PTPRM: variants seen among roughly 807,000 people sequenced by gnomAD.
The protein encoded by PTPRM is protein tyrosine phosphatase receptor type M.
In PTPRM, 47 loss-of-function variants were observed where a neutral mutation model predicts 186.7. The observed-to-expected ratio is 0.25, with a 90% CI of 0.20 to 0.32. The LOEUF is 0.32. Ranked by LOEUF, PTPRM falls within the 10% of genes least tolerant of loss-of-function variation. The pLI is 1.00. For synonymous variants in PTPRM, 668 were observed against 674.9 expected, an observed-to-expected ratio of 0.99 and a Z score of 0.16; for missense variants, 1,494 against 1,865.0, an observed-to-expected ratio of 0.80 and a Z score of 3.66.
At chr18:7,598,624 A>G (rs1328111597) in intron 1 of PTPRM, among the ~76,000 whole-genome samples, 1 of 152,184 alleles carries the variant, frequency 6.6e-6, no homozygotes, top group East Asian at 1.9e-4. Context: ...TGCTGTATTA[A>G]TAGTATTGTT....
intron 5 of PTPRM, among the ~76,000 whole-genome samples, chr18:7,941,095 C>T (rs2052143586): frequency 6.6e-6 from 1 of 152,178 alleles, no homozygotes; most frequent in Admixed American, 6.5e-5. Context: ...CGTGCCTGTC[C>T]TTTTCATGCT....
At chr18:7,751,300 CT>C (rs1181565738) in intron 1 of PTPRM, 9 of 152,324 alleles carry the variant, frequency 5.9e-5, no homozygotes, top group Non-Finnish European at 1.3e-4. Flanking sequence ...GGACCCTCCC[CT>C]GACTCACTGT....
rs564492223 is a variant in PTPRM at position 8,277,253 on chromosome 18, G to A, written c.2755-19115G>A. Among the ~76,000 whole-genome samples the A allele has an allele frequency of 2.6e-5, 4 of 152,248 alleles. No individual in the cohort carries two copies. The South Asian group carries it at 8.3e-4, about 32-fold the overall frequency. ...TTTATTTTTTCCCAATATAGAAACA[G>A]TAGAAATGTTGGAAATTGAGGTTAT... On this transcript the variant is annotated intron_variant, in intron 19 of 32. Coordinates refer to ENST00000580170, the MANE Select transcript of PTPRM (RefSeq NM_001105244.2).
chr18:8,266,114 C>G (rs556076362), intron 19 of PTPRM, among the ~76,000 whole-genome samples: 7 of 152,250 alleles, frequency 4.6e-5, no homozygotes, highest in Middle Eastern at 6.8e-3. Context: ...TCAGCCTCTT[C>G]CGAATCTCAC....
chr18:8,117,425 G>A (rs1437528731), intron 13 of PTPRM, among the ~76,000 whole-genome samples: 2 of 152,276 alleles, frequency 1.3e-5, no homozygotes, highest in South Asian at 2.1e-4. Context: ...GAGAAAGTAT[G>A]GAGGTGGATT....
At chr18:7,745,981 A>T (rs867253764) in intron 1 of PTPRM, among the ~76,000 whole-genome samples, 1 of 152,316 alleles carries the variant, frequency 6.6e-6, no homozygotes, top group African/African-American at 2.4e-5. Flanking sequence ...AAAATACAGA[A>T]ACAAACCTAT....
At chr18:8,277,143 G>A (rs1309851621) in intron 19 of PTPRM, among the ~76,000 whole-genome samples, 2 of 152,038 alleles carry the variant, frequency 1.3e-5, no homozygotes, top group Non-Finnish European at 2.9e-5. Flanking sequence ...TACCATGTTG[G>A]CAAGGCTGGT....
intron 15 of PTPRM, 50 bp downstream of exon 15, chr18:8,244,259 G>T: frequency 2.1e-6 from 3 of 1,397,170 alleles, no homozygotes; most frequent in Non-Finnish European, 1.9e-6. Flanking sequence ...GGTTTTGCAA[G>T]ATTCCAGGTG....
chr18:7,729,542 A>G (rs1241404291), intron 1 of PTPRM, among the ~76,000 whole-genome samples: 2 of 152,140 alleles, frequency 1.3e-5, no homozygotes, highest in African/African-American at 4.8e-5. Flanking sequence ...AAAAAACAGT[A>G]CAAAAGACTT....
chr18:7,654,085 T>C (rs960294903), intron 1 of PTPRM, among the ~76,000 whole-genome samples: 1 of 152,242 alleles, frequency 6.6e-6, no homozygotes, highest in Non-Finnish European at 1.5e-5. Context: ...TGAACTTTTT[T>C]TCATATGCTT....
chr18:7,655,243 G>A (rs142672751), intron 1 of PTPRM, among the ~76,000 whole-genome samples: 1 of 152,170 alleles, frequency 6.6e-6, no homozygotes, highest in East Asian at 1.9e-4. Context: ...ACATTTTAGA[G>A]ATGGGATCTC....
At chr18:7,610,161 ACTT>A (rs1171342405) in intron 1 of PTPRM, among the ~76,000 whole-genome samples, 14 of 152,136 alleles carry the variant, frequency 9.2e-5, no homozygotes, top group Admixed American at 7.2e-4. Context: ...CAACTAGAAA[ACTT>A]CTTATGCTGA....
chr18:8,348,420 C>G (rs1311858473), intron 23 of PTPRM, among the ~76,000 whole-genome samples: 1 of 152,248 alleles, frequency 6.6e-6, no homozygotes, highest in African/African-American at 2.4e-5. Context: ...CTGTCATTAT[C>G]TAAGACTTCC....
intron 2 of PTPRM, among the ~76,000 whole-genome samples, chr18:7,861,711 C>A (rs1454456859): frequency 6.6e-6 from 1 of 151,778 alleles, no homozygotes; most frequent in East Asian, 1.9e-4. Flanking sequence ...ATCTTGTGCA[C>A]CTTTCTTGGG....
intron 14 of PTPRM, among the ~76,000 whole-genome samples, chr18:8,218,745 G>T (rs969992336): frequency 3.9e-5 from 6 of 152,158 alleles, no homozygotes; most frequent in African/African-American, 1.4e-4. Flanking sequence ...AAACTTACAC[G>T]CATACAAAGG....
Position 8,178,096 on chromosome 18 carries a change from G to A in PTPRM, c.2300+34317G>A, listed in dbSNP as rs149113486. Among the ~76,000 whole-genome samples, 4 of 152,300 alleles carry A rather than the reference G, an allele frequency of 2.6e-5. No individual in the cohort carries two copies. In the East Asian group the frequency reaches 5.8e-4, roughly 22 times the overall value. ...CCTGAGATCTTATTGGGAAGCTGCT[G>A]ATCACCAGTTTCAGATGTTGGGTGC... On this transcript the variant is annotated intron_variant, in intron 14 of 32. Transcript: ENST00000580170.
At chr18:7,694,873 TAAAA>T (rs1160844693) in intron 1 of PTPRM, among the ~76,000 whole-genome samples, 4 of 151,856 alleles carry the variant, frequency 2.6e-5, no homozygotes, top group Admixed American at 1.3e-4. Flanking sequence ...AAATTGAAGT[TAAAA>T]AAAAGTAAAA....
intron 14 of PTPRM, among the ~76,000 whole-genome samples, chr18:8,183,850 C>T (rs985078162): frequency 6.6e-5 from 10 of 152,148 alleles, no homozygotes; most frequent in South Asian, 2.1e-4. Context: ...TAGGTGGAAC[C>T]GGCCTGCCAC....
At chr18:8,183,222 CT>C (rs1298664385) in intron 14 of PTPRM, among the ~76,000 whole-genome samples, 3 of 152,052 alleles carry the variant, frequency 2.0e-5, no homozygotes, top group Admixed American at 1.3e-4. Flanking sequence ...AAGTATGTCA[CT>C]TTTTTTTCTT....
Sources: allele counts gnomAD v4.1 joint callset (sites outside exome capture counted in the v4.1 genomes callset), GRCh38; gene constraint gnomAD v4.1.1; transcripts MANE v1.5; gene names NCBI Gene and HGNC (gene_info 2026-07-23, HGNC 2026-07-21).